C12orf56: variants seen among roughly 807,000 people sequenced by gnomAD.
C12orf56 encodes chromosome 12 open reading frame 56.
A neutral mutation model predicts 69.9 loss-of-function variants in C12orf56; 71 were observed. That is an observed-to-expected ratio of 1.02 (90% CI 0.84 to 1.24). C12orf56 has a LOEUF of 1.24. Ranked by LOEUF, C12orf56 falls within the 50% of genes most tolerant of loss-of-function variation. The pLI, the probability that C12orf56 is intolerant of heterozygous loss-of-function variation, is 0.00. For synonymous variants in C12orf56, 276 were observed against 274.1 expected, an observed-to-expected ratio of 1.01 and a Z score of -0.07; for missense variants, 732 against 738.5, an observed-to-expected ratio of 0.99 and a Z score of 0.10.
chr12:64,325,626 A>G (rs2136852688), intron 3 of C12orf56, among the ~76,000 whole-genome samples: 1 of 152,314 alleles, frequency 6.6e-6, no homozygotes, highest in Admixed American at 6.5e-5. Flanking sequence ...CTTCATTAAT[A>G]TAGTGTGGAA....
At chr12:64,380,076 G>C (rs2039693055) in intron 1 of C12orf56, among the ~76,000 whole-genome samples, 1 of 118,270 alleles carries the variant, frequency 8.5e-6, no homozygotes, top group African/African-American at 3.3e-5. Flanking sequence ...CTGCACTCCA[G>C]CCTGGGCGAC....
At chr12:64,309,244 A>G (rs1592440400) in intron 5 of C12orf56, among the ~76,000 whole-genome samples, 1 of 152,170 alleles carries the variant, frequency 6.6e-6, no homozygotes, top group East Asian at 1.9e-4. Flanking sequence ...GAACTTTTTC[A>G]TCTTTCCAAA....
intron 5 of C12orf56, among the ~76,000 whole-genome samples, chr12:64,308,940 G>GAAAGAAAGAAAGAAAGAAGA (rs35488127): frequency 4.2e-4 from 34 of 80,866 alleles, no homozygotes; most frequent in Admixed American, 1.2e-3. Context: ...AAGAAAGAAA[G>GAAAGAAAGAAAGAAAGAAGA]AAGAAAGAAA....
At position 64,277,649 on chromosome 12, in the gene C12orf56, T is replaced by TAC. The variant is rs34120343; in HGVS notation, c.1434+30_1434+31insGT. The TAC allele has an allele frequency of 4.3e-6, 6 of 1,391,188 alleles. No homozygotes were observed. In the South Asian group the frequency reaches 6.8e-5, roughly 16 times the overall value. The allele number at this position is 1,391,188 out of a possible 1,614,324, so 86.2% of individuals were successfully genotyped here. On this transcript the variant is annotated intron_variant, in intron 9 of 12. Coordinates refer to ENST00000543942, the MANE Select transcript of C12orf56 (RefSeq NM_001170633.2). ...CAGGGCCCCTATATATATATATATA[T>TAC]AATAGTTTACCCCCCAAATTCTCAT... is the stretch of plus-strand genomic sequence containing the variant.
At chr12:64,319,299 T>C (rs2038738089) in intron 3 of C12orf56, among the ~76,000 whole-genome samples, 1 of 152,224 alleles carries the variant, frequency 6.6e-6, no homozygotes, top group Non-Finnish European at 1.5e-5. Context: ...CTGAAAGGAC[T>C]TTTTAAGTTT....
rs556502654 is a variant in C12orf56, at chr12:64,304,605, C to A, written c.969-826G>T. 2.6e-5 allele frequency among the ~76,000 whole-genome samples: 4 copies of A among 152,270 alleles called. No homozygotes were observed. In the South Asian group the frequency reaches 8.3e-4, roughly 32 times the overall value. On this transcript the variant is annotated intron_variant, in intron 5 of 12. Coordinates refer to ENST00000543942, the MANE Select transcript of C12orf56 (RefSeq NM_001170633.2). ...TTAGTTACTCGTGTACCTATCCTAT[C>A]CCCTCAGCTGACTTTTAGCAACTTG...
intron 3 of C12orf56, among the ~76,000 whole-genome samples, chr12:64,322,236 A>C (rs1474642139): frequency 6.6e-6 from 1 of 150,944 alleles, no homozygotes; most frequent in East Asian, 1.9e-4. Flanking sequence ...GTACCCTGAG[A>C]TTCTGTTTGT....
chr12:64,270,837 T>G, intron 11 of C12orf56, 123 bp from the exon 12 acceptor site: 1 of 748,490 alleles, frequency 1.3e-6, no homozygotes, highest in Non-Finnish European at 2.1e-6. Context: ...ACTGTTGCAA[T>G]GTTCCTTATT....
At chr12:64,346,488 C>G (rs1428101066) in intron 2 of C12orf56, among the ~76,000 whole-genome samples, 3 of 152,184 alleles carry the variant, frequency 2.0e-5, no homozygotes, top group African/African-American at 7.2e-5. Flanking sequence ...TCCTTCAATT[C>G]AATCAAGTTG....
chr12:64,323,527 C>A (rs1356954895), intron 3 of C12orf56, among the ~76,000 whole-genome samples: 1 of 150,712 alleles, frequency 6.6e-6, no homozygotes, highest in Non-Finnish European at 1.5e-5. Flanking sequence ...AGAGTTTTAA[C>A]CTCCACAGTA....
At chr12:64,268,402 GC>G (rs1451879682) in intron 12 of C12orf56, among the ~76,000 whole-genome samples, 1 of 151,256 alleles carries the variant, frequency 6.6e-6, no homozygotes, top group Non-Finnish European at 1.5e-5. Flanking sequence ...TATGATACAT[GC>G]TACAATGTGG....
chr12:64,300,275 GAGA>G (rs2038426536), intron 6 of C12orf56, among the ~76,000 whole-genome samples: 1 of 152,110 alleles, frequency 6.6e-6, no homozygotes. Context: ...AGAGGTGAGA[GAGA>G]AGATGAAGTG....
chr12:64,369,756 G>A (rs2039544531), intron 1 of C12orf56, among the ~76,000 whole-genome samples: 2 of 151,912 alleles, frequency 1.3e-5, no homozygotes, highest in South Asian at 4.2e-4. Flanking sequence ...GCCAAGGCTG[G>A]TGGATCAGAA....
chr12:64,387,612 C>A (rs2039811867), intron 1 of C12orf56, among the ~76,000 whole-genome samples: 1 of 151,966 alleles, frequency 6.6e-6, no homozygotes, highest in South Asian at 2.1e-4. Flanking sequence ...CGTTTAAGCC[C>A]AGCAGCCTGG....
chr12:64,319,567 T>G (rs7973918), intron 3 of C12orf56, among the ~76,000 whole-genome samples: 40,567 of 152,050 alleles, frequency 0.27, 5,813 homozygotes, highest in Middle Eastern at 0.36. Flanking sequence ...AGCTAATTTT[T>G]GTATTTTTTT....
intron 2 of C12orf56, among the ~76,000 whole-genome samples, chr12:64,349,561 A>G (rs12229905): frequency 0.16 from 23,705 of 152,240 alleles, 2,013 homozygotes; most frequent in East Asian, 0.28. Context: ...ATTTGCACAC[A>G]CATGTTTATA....
intron 2 of C12orf56, among the ~76,000 whole-genome samples, chr12:64,346,984 T>A (rs1372118006): frequency 1.3e-5 from 2 of 151,916 alleles, no homozygotes; most frequent in Non-Finnish European, 2.9e-5. Flanking sequence ...AGTTACATTT[T>A]TTTTTTTGAG....
chr12:64,303,368 C>G (rs1406824956), intron 6 of C12orf56, among the ~76,000 whole-genome samples: 1 of 149,932 alleles, frequency 6.7e-6, no homozygotes, highest in East Asian at 1.9e-4. Flanking sequence ...CCTAACATCT[C>G]TCCGTTGGCT....
chr12:64,370,379 G>A lies in C12orf56; in HGVS notation c.253-17323C>T, dbSNP rs182373827. Reference sequence around the variant, plus strand: ...CCAAAAAAAAAGATAGGCCGGTTGCGGTGACTCATGCCTATAATCCCAGCA... The same window carrying A: ...CCAAAAAAAAAGATAGGCCGGTTGCAGTGACTCATGCCTATAATCCCAGCA... On this transcript the variant is annotated intron_variant, in intron 1 of 12. Coordinates refer to ENST00000543942, the MANE Select transcript of C12orf56 (RefSeq NM_001170633.2). Among the ~76,000 whole-genome samples, 57 of 151,574 alleles carry A rather than the reference G, an allele frequency of 3.8e-4. 1 individual carries two copies. Among genetic ancestry groups the A allele is most frequent in the Admixed American group, 2.5e-3 (38 of 15,168 alleles).
Sources: gnomAD v4.1 joint callset for allele counts (sites outside exome capture counted in the v4.1 genomes callset) on GRCh38, gnomAD v4.1.1 for gene constraint, MANE v1.5 for transcripts, NCBI Gene and HGNC (gene_info 2026-07-23, HGNC 2026-07-21) for gene names.